KCNC2: variants seen among roughly 807,000 people sequenced by gnomAD.
KCNC2 encodes the protein potassium voltage-gated channel subfamily C member 2.
KCNC2 carries 21 observed loss-of-function variants against 44.5 expected under a neutral mutation model. The observed-to-expected ratio is 0.47, with a 90% confidence interval of 0.33 to 0.68. The LOEUF (loss-of-function observed/expected upper bound fraction) is 0.68. Ranked by LOEUF, KCNC2 falls within the 30% of genes least tolerant of loss-of-function variation. The probability of loss-of-function intolerance (pLI) is 0.01; values close to 1 mark genes in which losing one functional copy is unlikely to be tolerated. For synonymous variants in KCNC2, 391 were observed against 339.1 expected (o/e 1.15, Z -1.68); for missense variants, 589 against 826.2 (o/e 0.71, Z 3.52).
intron 2 of KCNC2, among the ~76,000 whole-genome samples, chr12:75,135,849 G>A (rs551276997): frequency 2.6e-5 from 4 of 151,972 alleles, no homozygotes; most frequent in South Asian, 4.2e-4. Flanking sequence ...TATGTATAAT[G>A]TCACTCTATG....
At chr12:75,136,694 A>G (rs937329651) in intron 2 of KCNC2, among the ~76,000 whole-genome samples, 6 of 152,042 alleles carry the variant, frequency 3.9e-5, no homozygotes, top group African/African-American at 1.4e-4. Context: ...CCCAACAACA[A>G]TAACAAAAGA....
At chr12:75,099,587 T>C (rs565019501) in intron 2 of KCNC2, among the ~76,000 whole-genome samples, 2 of 152,318 alleles carry the variant, frequency 1.3e-5, no homozygotes, top group East Asian at 3.9e-4. Context: ...CATATGGTGT[T>C]TACAAGAATT....
intron 3 of KCNC2, among the ~76,000 whole-genome samples, chr12:75,048,664 C>G (rs1880823617): frequency 1.3e-5 from 2 of 152,014 alleles, no homozygotes; most frequent in Admixed American, 1.3e-4. Context: ...TCTATTTACT[C>G]TGAATAGGAA....
intron 2 of KCNC2, among the ~76,000 whole-genome samples, chr12:75,159,344 A>T (rs1890971290): frequency 1.3e-5 from 2 of 151,796 alleles, no homozygotes; most frequent in Admixed American, 1.3e-4. Context: ...AACAGTGTGG[A>T]TCTTGTTTCA....
At chr12:75,097,207 G>A (rs1886003466) in intron 2 of KCNC2, among the ~76,000 whole-genome samples, 1 of 152,072 alleles carries the variant, frequency 6.6e-6, no homozygotes, top group South Asian at 2.1e-4. Flanking sequence ...GGCAAAACTG[G>A]GCACAGTAAA....
intron 2 of KCNC2, among the ~76,000 whole-genome samples, chr12:75,094,725 G>A (rs1017638122): frequency 6.6e-6 from 1 of 151,622 alleles, no homozygotes; most frequent in African/African-American, 2.4e-5. Context: ...TTGAATCAGA[G>A]CTGATAAGGA....
chr12:75,179,397 A>G (rs1248584986), intron 2 of KCNC2, among the ~76,000 whole-genome samples: 7 of 151,972 alleles, frequency 4.6e-5, no homozygotes, highest in Non-Finnish European at 1.5e-5. Context: ...TGAAAGAAGT[A>G]TGCCTTAAAT....
At chr12:75,092,901 G>A (rs1408176389) in intron 2 of KCNC2, among the ~76,000 whole-genome samples, 1 of 151,442 alleles carries the variant, frequency 6.6e-6, no homozygotes, top group Non-Finnish European at 1.5e-5. Flanking sequence ...TATTGCAGTA[G>A]AAGTCATTCT....
At chr12:75,078,032 C>A (rs1170159214) in intron 2 of KCNC2, among the ~76,000 whole-genome samples, 1 of 151,952 alleles carries the variant, frequency 6.6e-6, no homozygotes, top group Non-Finnish European at 1.5e-5. Context: ...ATTCTTTTGT[C>A]ATTTGTTTTT....
chr12:75,200,989 C>T (rs917696732), intron 2 of KCNC2, among the ~76,000 whole-genome samples: 4 of 151,394 alleles, frequency 2.6e-5, no homozygotes, highest in East Asian at 3.9e-4. Context: ...AGTGAAAATG[C>T]GACTGAGATT....
At chr12:75,187,922 A>G (rs1437798647) in intron 2 of KCNC2, among the ~76,000 whole-genome samples, 1 of 152,238 alleles carries the variant, frequency 6.6e-6, no homozygotes, top group Non-Finnish European at 1.5e-5. Context: ...AATAATTAAA[A>G]GCCCTCTTTT....
chr12:75,104,140 A>G (rs911604845), intron 2 of KCNC2, among the ~76,000 whole-genome samples: 9 of 152,024 alleles, frequency 5.9e-5, no homozygotes, highest in African/African-American at 2.2e-4. Context: ...TTAGGCTACT[A>G]TTCATCTTCT....
chr12:75,051,791 T>C (rs186773107), intron 2 of KCNC2, among the ~76,000 whole-genome samples: 2 of 152,070 alleles, frequency 1.3e-5, no homozygotes, highest in South Asian at 4.1e-4. Flanking sequence ...TAGATTTGTA[T>C]TCATATATAA....
intron 2 of KCNC2, among the ~76,000 whole-genome samples, chr12:75,145,070 G>T (rs1044440785): frequency 1.3e-5 from 2 of 152,108 alleles, no homozygotes; most frequent in African/African-American, 4.8e-5. Context: ...AAATTACTGA[G>T]CCAGAAGGCT....
chr12:75,155,478 C>A (rs539056775), intron 2 of KCNC2, among the ~76,000 whole-genome samples: 6 of 151,826 alleles, frequency 4.0e-5, no homozygotes, highest in Non-Finnish European at 8.8e-5. Context: ...GAAGTCAGTA[C>A]AAGCATGATT....
chr12:75,172,825 T>TG (rs1337186612), intron 2 of KCNC2, among the ~76,000 whole-genome samples: 1 of 151,846 alleles, frequency 6.6e-6, no homozygotes, highest in Non-Finnish European at 1.5e-5. Context: ...TTGGCCTTGT[T>TG]CCCCATGTGC....
intron 2 of KCNC2, among the ~76,000 whole-genome samples, chr12:75,141,888 T>G (rs937949420): frequency 3.9e-5 from 6 of 152,208 alleles, no homozygotes. Context: ...TATGTCATCC[T>G]GTGCTAAGCA....
At chr12:75,182,248 G>A (rs894889265) in intron 2 of KCNC2, among the ~76,000 whole-genome samples, 4 of 151,572 alleles carry the variant, frequency 2.6e-5, no homozygotes, top group Admixed American at 6.6e-5. Context: ...GACTATGGCC[G>A]GGGGTGGTGG....
intron 2 of KCNC2, among the ~76,000 whole-genome samples, chr12:75,198,101 T>A (rs1283471742): frequency 6.6e-6 from 1 of 151,970 alleles, no homozygotes; most frequent in African/African-American, 2.4e-5. Flanking sequence ...TCTAATCATT[T>A]TTTAATGTCA....
Sources: gnomAD v4.1 joint callset for allele counts (sites outside exome capture counted in the v4.1 genomes callset) on GRCh38, gnomAD v4.1.1 for gene constraint, MANE v1.5 for transcripts, NCBI Gene and HGNC (gene_info 2026-07-23, HGNC 2026-07-21) for gene names.